SLC43A2: variants seen among roughly 807,000 people sequenced by gnomAD.
SLC43A2 encodes the protein large neutral amino acids transporter small subunit 4.
In SLC43A2, 38 loss-of-function variants were observed where a neutral mutation model predicts 63.2. The ratio of observed to expected loss-of-function variants is 0.60; its 90% CI spans 0.46 to 0.79. SLC43A2 has a LOEUF of 0.79. Ranked by LOEUF, SLC43A2 falls within the 30% of genes least tolerant of loss-of-function variation. The probability of loss-of-function intolerance (pLI) is 0.00; values close to 1 mark genes in which losing one functional copy is unlikely to be tolerated. For synonymous variants in SLC43A2, 322 were observed against 331.0 expected (o/e 0.97, Z 0.30); for missense variants, 644 against 756.2 (o/e 0.85, Z 1.74).
upstream of SLC43A2, among the ~76,000 whole-genome samples, chr17:1,629,779 T>C (rs1909010494): frequency 6.6e-6 from 1 of 152,154 alleles, no homozygotes; most frequent in Non-Finnish European, 1.5e-5. Flanking sequence ...TGGTACAAGC[T>C]AGGGAGGGTT....
In SLC43A2 at chr17:1,622,422, A is replaced by G. The variant is rs373535531; in HGVS notation, c.160+5293T>C. Among the ~76,000 whole-genome samples the G allele has an allele frequency of 2.0e-4, 30 of 152,092 alleles. No individual in the cohort carries two copies. In the East Asian group the frequency reaches 3.1e-3, roughly 16 times the overall value. On this transcript the variant is annotated intron_variant, in intron 2 of 13. Transcript: ENST00000301335. ...ACTAAAAATACAAAAAAATTTAGCCAGGCGTGGTGGCGGGCGCCTGCAGTC... is the reference window on the plus strand; with the variant it reads ...ACTAAAAATACAAAAAAATTTAGCCGGGCGTGGTGGCGGGCGCCTGCAGTC...
intron 13 of SLC43A2, among the ~76,000 whole-genome samples, chr17:1,576,053 G>GCT (rs2075923148): frequency 6.6e-6 from 1 of 151,958 alleles, no homozygotes; most frequent in South Asian, 2.1e-4. Context: ...CGGAGGTGGG[G>GCT]CGGGGACAGG....
chr17:1,595,945 G>A (rs1905242763), intron 5 of SLC43A2, among the ~76,000 whole-genome samples: 1 of 152,214 alleles, frequency 6.6e-6, no homozygotes, highest in Non-Finnish European at 1.5e-5. Flanking sequence ...AGTCACTGCT[G>A]CCTGTTTTGC....
At position 1,575,773 on chromosome 17, in the gene SLC43A2, G is replaced by A. The variant is rs779284083; in HGVS notation, c.1549-8C>T. 1.2e-6 allele frequency: 2 copies of A among 1,606,100 alleles called. No homozygotes were observed. Among genetic ancestry groups the A allele is most frequent in the Non-Finnish European group, 1.7e-6 (2 of 1,176,312 alleles). On this transcript the variant is annotated splice_region_variant and splice_polypyrimidine_tract_variant and intron_variant, in intron 13 of 13. Coordinates refer to ENST00000301335, the MANE Select transcript of SLC43A2 (RefSeq NM_152346.3). ...GAGCAGCCCCACGTTCACCTGGGGAGGCAGGGAGGCCGCGCATCACAGGGC... is the reference window on the plus strand; with the variant it reads ...GAGCAGCCCCACGTTCACCTGGGGAAGCAGGGAGGCCGCGCATCACAGGGC...
chr17:1,576,425 G>A (rs1020217789), intron 13 of SLC43A2, among the ~76,000 whole-genome samples, 172 bp downstream of exon 13: 1 of 152,084 alleles, frequency 6.6e-6, no homozygotes, highest in Non-Finnish European at 1.5e-5. Flanking sequence ...GGTCCAGAGA[G>A]GACATGTTCC....
chr17:1,602,451 G>A (rs1906146174), intron 5 of SLC43A2, among the ~76,000 whole-genome samples: 1 of 152,050 alleles, frequency 6.6e-6, no homozygotes, highest in African/African-American at 2.4e-5. Context: ...TTTGAGACCA[G>A]CCTGGCCAAC....
At chr17:1,581,287 G>A (rs1026279603) in intron 11 of SLC43A2, among the ~76,000 whole-genome samples, 1 of 151,948 alleles carries the variant, frequency 6.6e-6, no homozygotes, top group Non-Finnish European at 1.5e-5. Context: ...CTTTCAGTGA[G>A]ACCTACATAA....
intron 5 of SLC43A2, among the ~76,000 whole-genome samples, chr17:1,610,601 G>C (rs1422425302): frequency 6.6e-6 from 1 of 150,540 alleles, no homozygotes; most frequent in Non-Finnish European, 1.5e-5. Flanking sequence ...TTTTGGGCCA[G>C]GTATGGTGGC....
rs1904759819 is a variant in SLC43A2 at position 1,591,345 on chromosome 17, C to T, written c.855G>A (p.Gln285=). The T allele has an allele frequency of 6.2e-7, 1 of 1,610,830 alleles. No individual in the cohort carries two copies. The highest frequency in any genetic ancestry group is 8.5e-7 in the Non-Finnish European group (1 of 1,179,970). The change falls in exon 8 of 14, where the codon CAG becomes CAA. Residue 285 remains glutamine, a synonymous_variant. Coordinates refer to ENST00000301335, the MANE Select transcript of SLC43A2 (RefSeq NM_152346.3). ...VGSSMRSAKE[Q]VALQEGHKLC... ...GCTTGTGGCCCTCCTGCAGCGCCAC[C>T]TGCTCCTTGGCACTCCTCATGGAGC...
intron 6 of SLC43A2, among the ~76,000 whole-genome samples, chr17:1,592,393 C>T (rs901843541): frequency 5.9e-5 from 9 of 152,216 alleles, no homozygotes; most frequent in Middle Eastern, 3.2e-3. Flanking sequence ...TGCTGCTGCA[C>T]TCCAACCTGG....
rs1380963660 is a variant in SLC43A2, at chr17:1,583,922, G to A, written c.1218-586C>T. On this transcript the variant is annotated intron_variant, in intron 10 of 13. Coordinates refer to ENST00000301335, the MANE Select transcript of SLC43A2 (RefSeq NM_152346.3). The surrounding 1 kb of genome is among the most constrained non-coding windows in gnomAD (Gnocchi z 5.5). ...TCTTTGGGTTTTTTTTTGAGATGGA[G>A]TCTCGCTCTGTCACCCGGGCTGGAG... Among the ~76,000 whole-genome samples the A allele has an allele frequency of 6.6e-6, 1 of 151,884 alleles. No individual in the cohort carries two copies. The highest frequency in any genetic ancestry group is 2.4e-5 in the African/African-American group (1 of 41,348).
At chr17:1,600,152 A>ATTTTTTT (rs1555541181) in intron 5 of SLC43A2, among the ~76,000 whole-genome samples, 1 of 60,280 alleles carries the variant, frequency 1.7e-5, no homozygotes, top group Non-Finnish European at 3.2e-5. Flanking sequence ...ATATATATAT[A>ATTTTTTT]TTTTTTTTTT....
At chr17:1,596,359 C>G (rs893767716) in intron 5 of SLC43A2, among the ~76,000 whole-genome samples, 6 of 151,706 alleles carry the variant, frequency 4.0e-5, no homozygotes, top group Non-Finnish European at 8.8e-5. Flanking sequence ...AGTGGTGGCT[C>G]GTGCCTGTCA....
chr17:1,613,342 G>A (rs1907301822), intron 4 of SLC43A2, 71 bp from the exon 5 acceptor site: 3 of 1,385,356 alleles, frequency 2.2e-6, no homozygotes, highest in Admixed American at 1.7e-5. Context: ...CCAGCCCAGA[G>A]TCCTGCGCGG....
intron 2 of SLC43A2, among the ~76,000 whole-genome samples, chr17:1,619,736 G>A (rs1907982498): frequency 6.6e-6 from 1 of 152,246 alleles, no homozygotes; most frequent in African/African-American, 2.4e-5. Flanking sequence ...GTCAGGGAAA[G>A]AGGGTCTCTA....
In SLC43A2 at chr17:1,593,832, C is replaced by T. The variant is rs1435657887; in HGVS notation, c.502-553G>A. 2.6e-5 allele frequency among the ~76,000 whole-genome samples: 4 copies of T among 152,072 alleles called. No individual in the cohort carries two copies. Among genetic ancestry groups the T allele is most frequent in the African/African-American group, 9.7e-5 (4 of 41,404 alleles). The stretch of plus-strand genomic sequence containing the variant: ...GGATGAAGCTGGCCCAGGATTCCTG[C>T]TTCTGAATTTCTTTTCTTTGTTTTG... On this transcript the variant is annotated intron_variant, in intron 5 of 13. Coordinates refer to ENST00000301335, the MANE Select transcript of SLC43A2 (RefSeq NM_152346.3). This position sits in a 1 kb window ranked among gnomAD's most constrained non-coding sequence, Gnocchi z 5.3.
At chr17:1,580,116 G>A (rs963854324) in intron 11 of SLC43A2, among the ~76,000 whole-genome samples, 6 of 151,986 alleles carry the variant, frequency 3.9e-5, no homozygotes, top group Non-Finnish European at 4.4e-5. Flanking sequence ...TTGTAGAGAC[G>A]GGGTTTCACT....
Position 1,605,205 on chromosome 17 carries a change from G to A in SLC43A2, c.501+7990C>T. On this transcript the variant is annotated intron_variant, in intron 5 of 13. Coordinates refer to ENST00000301335, the MANE Select transcript of SLC43A2 (RefSeq NM_152346.3). The surrounding 1 kb of genome is among the most constrained non-coding windows in gnomAD (Gnocchi z 4.9). ...GCTGTTCACTCACTGCCTCCACGCA[G>A]CCTCAGTCACACAGGGAAGCCCGTG... 1 of 1,130,488 alleles carries A rather than the reference G, an allele frequency of 8.8e-7. No individual in the cohort carries two copies. Among genetic ancestry groups the A allele is most frequent in the Non-Finnish European group, 1.1e-6 (1 of 916,100 alleles). 70.0% of individuals were successfully genotyped at this position (1,130,488 alleles called of 1,614,324 possible). A position where few individuals can be genotyped will look rare whatever the true frequency, so the allele number is the denominator to read the frequency against.
intron 2 of SLC43A2, among the ~76,000 whole-genome samples, chr17:1,625,358 T>C (rs1019056580): frequency 1.2e-4 from 19 of 152,186 alleles, no homozygotes; most frequent in Non-Finnish European, 2.8e-4. Context: ...TTTCAACAGG[T>C]TCAGGCAAAT....
Sources: allele counts gnomAD v4.1 joint callset (sites outside exome capture counted in the v4.1 genomes callset), GRCh38; gene constraint gnomAD v4.1.1; non-coding constraint Gnocchi (gnomAD v3.1); transcripts MANE v1.5; gene names NCBI Gene and HGNC (gene_info 2026-07-23, HGNC 2026-07-21).